The following TBC1D5 variants were observed in gnomAD, a reference collection of about 807,000 sequenced individuals.
TBC1D5 encodes the protein TBC1 domain family member 5, also known as TBC1 domain family, member 5.
Under a neutral mutation model 100.3 loss-of-function variants are expected in TBC1D5, and 75 were observed. That is an observed-to-expected ratio of 0.75 (90% confidence interval 0.62 to 0.91). The LOEUF (loss-of-function observed/expected upper bound fraction) is 0.91. Ranked by LOEUF, TBC1D5 falls within the 40% of genes least tolerant of loss-of-function variation. The probability of loss-of-function intolerance (pLI) is 0.00; values close to 1 mark genes in which losing one functional copy is unlikely to be tolerated. For missense variants in TBC1D5, 910 were observed against 942.4 expected (o/e 0.97, Z 0.45); for synonymous variants, 323 against 325.6 (o/e 0.99, Z 0.09).
chr3:17,384,991 G>T (rs1311119985), intron 8 of TBC1D5, among the ~76,000 whole-genome samples: 1 of 152,006 alleles, frequency 6.6e-6, no homozygotes, highest in East Asian at 1.9e-4. Context: ...GCATAGGAAG[G>T]ACTTAAGAGT....
At chr3:17,653,413 A>G (rs2065770521) in intron 1 of TBC1D5, among the ~76,000 whole-genome samples, 1 of 152,130 alleles carries the variant, frequency 6.6e-6, no homozygotes, top group Non-Finnish European at 1.5e-5. Flanking sequence ...TCATCTCTAC[A>G]GTATCCTTCT....
chr3:17,162,465 C>T (rs1388388395), intron 21 of TBC1D5, among the ~76,000 whole-genome samples: 5 of 152,224 alleles, frequency 3.3e-5, no homozygotes, highest in Non-Finnish European at 7.3e-5. Context: ...GCTCAGGAAC[C>T]TTCCATCTCT....
intron 3 of TBC1D5, among the ~76,000 whole-genome samples, chr3:17,490,173 T>A (rs1047370286): frequency 7.2e-5 from 11 of 152,326 alleles, no homozygotes; most frequent in African/African-American, 2.6e-4. Flanking sequence ...TCATGTCCTT[T>A]CCCCACTGTT....
intron 13 of TBC1D5, among the ~76,000 whole-genome samples, chr3:17,339,329 T>G (rs994228210): frequency 1.3e-5 from 2 of 152,226 alleles, no homozygotes; most frequent in East Asian, 3.8e-4. Context: ...CCGTGACAAG[T>G]TGAAGTTCCG....
In TBC1D5 at chr3:17,459,738, GAAAA is replaced by G. The variant is rs538273400; in HGVS notation, c.98-31223_98-31220del. The stretch of plus-strand genomic sequence containing the variant: ...CATTAGTGTAACCGATCTCTTAAAG[GAAAA>G]AAAAAAAAAAGATTTACAGCCTGAG... On this transcript the variant is annotated intron_variant, in intron 3 of 21. Transcript: ENST00000253692. Among the ~76,000 whole-genome samples, 4 of 133,136 alleles carry G rather than the reference GAAAA, an allele frequency of 3.0e-5. No individual in the cohort carries two copies. The Admixed American group carries it at 3.0e-4, about 10-fold the overall frequency. 87.3% of individuals were successfully genotyped at this position (133,136 alleles called of 152,430 possible).
At chr3:17,496,462 G>GCACA (rs150694074) in intron 3 of TBC1D5, among the ~76,000 whole-genome samples, 2 of 147,336 alleles carry the variant, frequency 1.4e-5, no homozygotes, top group Admixed American at 1.3e-4. Flanking sequence ...ACACACACAC[G>GCACA]CACACACACA....
chr3:17,248,669 G>T (rs1280961678), intron 16 of TBC1D5, among the ~76,000 whole-genome samples: 2 of 152,154 alleles, frequency 1.3e-5, no homozygotes, highest in Non-Finnish European at 2.9e-5. Context: ...TGCATTGTTA[G>T]TCAGAAGTAG....
At chr3:17,275,977 TTAAG>T (rs1014806077) in intron 15 of TBC1D5, among the ~76,000 whole-genome samples, 1 of 152,126 alleles carries the variant, frequency 6.6e-6, no homozygotes, top group Non-Finnish European at 1.5e-5. Context: ...GTATATGGAG[TTAAG>T]TAAGTTGTTT....
At chr3:17,396,652 CA>C (rs2093513936) in intron 8 of TBC1D5, among the ~76,000 whole-genome samples, 1 of 151,428 alleles carries the variant, frequency 6.6e-6, no homozygotes, top group Non-Finnish European at 1.5e-5. Flanking sequence ...GAAAAAAATT[CA>C]AAACTAATCT....
chr3:17,412,147 G>C (rs1375817371), intron 4 of TBC1D5, among the ~76,000 whole-genome samples: 1 of 152,092 alleles, frequency 6.6e-6, no homozygotes, highest in African/African-American at 2.4e-5. Flanking sequence ...AAGCACTCTG[G>C]TAGTACAGAG....
chr3:17,490,161 G>C (rs577930968), intron 3 of TBC1D5, among the ~76,000 whole-genome samples: 1 of 152,216 alleles, frequency 6.6e-6, no homozygotes, highest in South Asian at 2.1e-4. Flanking sequence ...AGAAGGGTCT[G>C]TTCATGTCCT....
rs185506056 is a variant in TBC1D5, at chr3:17,466,334, C to T, written c.98-37815G>A. ...CTGCTATGTGCCTAGATGAAATGCA[C>T]AGCCTCTGCTTTCAAAGAAAAAAAT... is the stretch of plus-strand genomic sequence containing the variant. On this transcript the variant is annotated intron_variant, in intron 3 of 21. Coordinates refer to ENST00000253692, the Ensembl canonical transcript of TBC1D5. Among the ~76,000 whole-genome samples the T allele has an allele frequency of 3.5e-3, 526 of 152,266 alleles. 3 individuals are homozygous for T. Among genetic ancestry groups the T allele is most frequent in the African/African-American group, 0.012 (511 of 41,558 alleles).
chr3:17,457,571 C>A (rs1209869343), intron 3 of TBC1D5, among the ~76,000 whole-genome samples: 1 of 152,098 alleles, frequency 6.6e-6, no homozygotes, highest in Admixed American at 6.5e-5. Flanking sequence ...TTGAATGTTG[C>A]CCAGCTTTTC....
At chr3:17,599,691 T>C (rs2060804506) in intron 2 of TBC1D5, among the ~76,000 whole-genome samples, 1 of 152,150 alleles carries the variant, frequency 6.6e-6, no homozygotes, top group Non-Finnish European at 1.5e-5. Context: ...CCCCTAGACC[T>C]GTCATGGGTC....
At chr3:17,571,356 T>C (rs573169847) in intron 2 of TBC1D5, among the ~76,000 whole-genome samples, 1 of 152,076 alleles carries the variant, frequency 6.6e-6, no homozygotes, top group South Asian at 2.1e-4. Flanking sequence ...ATTCACACGA[T>C]TGGATTTCAA....
chr3:17,320,872 T>A (rs2085321103), intron 13 of TBC1D5, among the ~76,000 whole-genome samples: 1 of 152,210 alleles, frequency 6.6e-6, no homozygotes, highest in African/African-American at 2.4e-5. Context: ...TACCTGTGAA[T>A]CTGTCTAATT....
chr3:17,456,442 A>G (rs2095086622), intron 3 of TBC1D5, among the ~76,000 whole-genome samples: 1 of 152,204 alleles, frequency 6.6e-6, no homozygotes, highest in Non-Finnish European at 1.5e-5. Flanking sequence ...GGAGCTCACA[A>G]AACTCTATAA....
At chr3:17,178,493 C>T (rs892073549) in intron 19 of TBC1D5, among the ~76,000 whole-genome samples, 24 of 151,988 alleles carry the variant, frequency 1.6e-4, no homozygotes, top group Admixed American at 3.9e-4. Flanking sequence ...GATATCTCTT[C>T]GATATACTGA....
At chr3:17,712,403 T>C (rs1229967092) in intron 1 of TBC1D5, among the ~76,000 whole-genome samples, 1 of 152,178 alleles carries the variant, frequency 6.6e-6, no homozygotes, top group Non-Finnish European at 1.5e-5. Flanking sequence ...TCCCTGGCAG[T>C]GGGCATCATT....
Sources: allele counts gnomAD v4.1 joint callset (sites outside exome capture counted in the v4.1 genomes callset), GRCh38; gene constraint gnomAD v4.1.1; transcripts MANE v1.5; gene names NCBI Gene and HGNC (gene_info 2026-07-23, HGNC 2026-07-21).